MTTP: variants seen among roughly 807,000 people sequenced by gnomAD.
The protein encoded by MTTP is microsomal triglyceride transfer protein large subunit.
MTTP carries 49 observed loss-of-function variants against 90.6 expected under a neutral mutation model. That is an observed-to-expected ratio of 0.54 (90% CI 0.43 to 0.69). The LOEUF is 0.69. Ranked by LOEUF, MTTP falls within the 30% of genes least tolerant of loss-of-function variation. MTTP has a pLI of 0.00. For missense variants in MTTP, 945 were observed against 1,067.5 expected (o/e 0.89, Z 1.60); for synonymous variants, 347 against 384.2 (o/e 0.90, Z 1.13).
chr4:99,585,107 A>C (rs1375576869), intron 3 of MTTP, among the ~76,000 whole-genome samples: 1 of 152,186 alleles, frequency 6.6e-6, no homozygotes, highest in African/African-American at 2.4e-5. Flanking sequence ...AATAAAGGAT[A>C]AACAAATAAG....
At chr4:99,576,030 T>C (rs28666735) in intron 1 of MTTP, among the ~76,000 whole-genome samples, 39,858 of 152,114 alleles carry the variant, frequency 0.26, 5,398 homozygotes, top group South Asian at 0.35. Context: ...CAATAGAGGG[T>C]TAAATTTAAA....
intron 1 of MTTP, among the ~76,000 whole-genome samples, chr4:99,564,895 T>TA (rs1376970133): frequency 6.6e-6 from 1 of 152,246 alleles, no homozygotes; most frequent in Non-Finnish European, 1.5e-5. Context: ...TGACTTTAGT[T>TA]ACAAAACTAA....
chr4:99,584,524 A>G (rs1194774459), intron 3 of MTTP, among the ~76,000 whole-genome samples: 3 of 151,556 alleles, frequency 2.0e-5, no homozygotes, highest in African/African-American at 7.2e-5. Context: ...CTAAAAAGGA[A>G]CTCACAAGAA....
chr4:99,623,095 A>G lies in MTTP; in HGVS notation c.*247A>G, dbSNP rs764216144. ...CTTAGTTTACTTATACCTCTCTCAA[A>G]TCTCATTTGGTACAGTCAGAATAGT... On this transcript the variant is annotated 3_prime_UTR_variant, in exon 18 of 18. Transcript: ENST00000265517. The G allele has an allele frequency of 3.8e-6, 2 of 524,302 alleles. No homozygotes were observed. Among genetic ancestry groups the G allele is most frequent in the Non-Finnish European group, 3.4e-6 (1 of 290,434 alleles). The allele number at this position is 524,302 out of a possible 1,614,324, so 32.5% of individuals were successfully genotyped here. A position where few individuals can be genotyped will look rare whatever the true frequency, so the allele number is the denominator to read the frequency against.
intron 16 of MTTP, among the ~76,000 whole-genome samples, chr4:99,620,606 A>C (rs1339320522): frequency 6.6e-6 from 1 of 152,232 alleles, no homozygotes. Flanking sequence ...AAGGTAATGA[A>C]ATGGAATTAA....
intron 9 of MTTP, 131 bp from the exon 10 acceptor site, chr4:99,601,476 C>A: frequency 1.4e-6 from 1 of 711,820 alleles, no homozygotes; most frequent in Non-Finnish European, 2.4e-6. Flanking sequence ...GTCTCAAAAG[C>A]AAAATTCTGA....
upstream of MTTP, among the ~76,000 whole-genome samples, chr4:99,571,660 G>A (rs6839296): frequency 0.26 from 39,734 of 151,694 alleles, 5,371 homozygotes; most frequent in South Asian, 0.35. Flanking sequence ...AAGGAATTCA[G>A]TGAATCTTTA....
At chr4:99,598,002 TACACAC>T (rs367751335) in intron 8 of MTTP, among the ~76,000 whole-genome samples, 1 of 151,158 alleles carries the variant, frequency 6.6e-6, no homozygotes, top group African/African-American at 2.4e-5. Flanking sequence ...TTAGCCAAGT[TACACAC>T]ACACACACAG....
upstream of MTTP, among the ~76,000 whole-genome samples, chr4:99,572,200 T>C (rs1560610709): frequency 6.6e-6 from 1 of 152,044 alleles, no homozygotes; most frequent in Non-Finnish European, 1.5e-5. Flanking sequence ...CACAGTGTCA[T>C]GTACTACCTA....
intron 7 of MTTP, 47 bp from the exon 8 acceptor site, chr4:99,597,020 G>A: frequency 6.2e-7 from 1 of 1,609,268 alleles, no homozygotes; most frequent in Non-Finnish European, 8.5e-7. Flanking sequence ...AAATGTGGAT[G>A]TTCACAGTTA....
Position 99,583,537 on chromosome 4 carries a change from C to A in MTTP, c.393+20C>A, listed in dbSNP as rs1222333777. On this transcript the variant is annotated intron_variant, in intron 3 of 17. Transcript: ENST00000265517. ...GGAAAGGTAAAGGGGCGTTTAGATT[C>A]CACAACTTTTTCTCCAACTTCATAT... The A allele has an allele frequency of 6.2e-7, 1 of 1,613,352 alleles. No homozygotes were observed. The highest frequency in any genetic ancestry group is 8.5e-7 in the Non-Finnish European group (1 of 1,179,724).
At chr4:99,620,963 T>G (rs1279637983) in intron 16 of MTTP, 98 bp from the exon 17 acceptor site, 1 of 1,151,592 alleles carries the variant, frequency 8.7e-7, no homozygotes, top group African/African-American at 1.5e-5. Flanking sequence ...TTCCAGTCAC[T>G]GGCATCATAC....
Position 99,612,941 on chromosome 4 carries a change from C to T in MTTP, c.2018C>T (p.Ala673Val). 1.2e-6 allele frequency: 2 copies of T among 1,613,998 alleles called. No individual in the cohort carries two copies. Among genetic ancestry groups the T allele is most frequent in the East Asian group, 2.2e-5 (1 of 44,872 alleles). ...GTTATTGAAGCCCAAGGACTGGAAG[C>T]CTTAATCGCAGCCACCCCTGACGAG... ...QVVIEAQGLE[A>V]LIAATPDEGE... Residue 673 changes from alanine to valine, a missense_variant, in exon 15 of 18, where the codon GCC (alanine) becomes GTC (valine). By Grantham distance (64) the Ala-to-Val change is moderately conservative (BLOSUM62 0). Coordinates refer to ENST00000265517, the MANE Select transcript of MTTP (RefSeq NM_001386140.1).
chr4:99,583,488 C>CCTA lies in MTTP; in HGVS notation c.366_368dup (p.Thr123dup). ...GGAAAACTTGGAAGCTCTGCAAAGA[C>CCTA]CTACGCTCCTTCATCTAATCCATGG... is the stretch of plus-strand genomic sequence containing the variant. On this transcript the variant is annotated inframe_insertion, in exon 3 of 18. Transcript: ENST00000265517. The CCTA allele has an allele frequency of 1.2e-6, 2 of 1,613,608 alleles. No individual in the cohort carries two copies. Among genetic ancestry groups the CCTA allele is most frequent in the Non-Finnish European group, 1.7e-6 (2 of 1,179,812 alleles).
intron 15 of MTTP, among the ~76,000 whole-genome samples, chr4:99,618,490 C>T (rs1008494961): frequency 6.6e-6 from 1 of 152,136 alleles, no homozygotes; most frequent in East Asian, 1.9e-4. Context: ...GATGGAGATG[C>T]CTTCATTTTC....
At chr4:99,601,774 C>A in intron 10 of MTTP, 60 bp downstream of exon 10, 1 of 1,256,822 alleles carries the variant, frequency 8.0e-7, no homozygotes, top group Non-Finnish European at 1.2e-6. Context: ...ATTTGATACT[C>A]ACCATGCTGC....
rs142026194 is a variant in MTTP, at chr4:99,602,362, A to G, written c.1344+648A>G. Among the ~76,000 whole-genome samples the G allele has an allele frequency of 1.2e-4, 19 of 152,284 alleles. No individual in the cohort carries two copies. The East Asian group carries it at 3.5e-3, about 28-fold the overall frequency. ...ATAACTAAATATGGAAAACCAAAAT[A>G]GATTAATGTCTAACACAGTCCATCT... On this transcript the variant is annotated intron_variant, in intron 10 of 17. Coordinates refer to ENST00000265517, the MANE Select transcript of MTTP (RefSeq NM_001386140.1).
At chr4:99,621,884 G>C (rs1726241683) in intron 17 of MTTP, among the ~76,000 whole-genome samples, 1 of 152,140 alleles carries the variant, frequency 6.6e-6, no homozygotes, top group Non-Finnish European at 1.5e-5. Context: ...CTTGAGTCTA[G>C]GTAGCACTGA....
At chr4:99,577,605 CAA>C (rs10605949) in intron 1 of MTTP, among the ~76,000 whole-genome samples, 15,259 of 101,150 alleles carry the variant, frequency 0.15, 1,275 homozygotes, top group African/African-American at 0.33. Context: ...AACTCTGTTT[CAA>C]AAAAAAAAAA....
Sources: allele counts gnomAD v4.1 joint callset (sites outside exome capture counted in the v4.1 genomes callset), GRCh38; gene constraint gnomAD v4.1.1; transcripts MANE v1.5; gene names NCBI Gene and HGNC (gene_info 2026-07-23, HGNC 2026-07-21).